MORN3: variants seen among roughly 807,000 people sequenced by gnomAD.
MORN3 encodes MORN repeat containing 3.
MORN3 carries 38 observed loss-of-function variants against 34.7 expected under a neutral mutation model. The observed-to-expected ratio is 1.10, with a 90% CI of 0.85 to 1.44. MORN3 has a LOEUF of 1.44. Ranked by LOEUF, MORN3 falls within the 40% of genes most tolerant of loss-of-function variation. The pLI, the probability that MORN3 is intolerant of heterozygous loss-of-function variation, is 0.00. For missense variants in MORN3, 311 were observed against 321.7 expected (o/e 0.97, Z 0.25); for synonymous variants, 109 against 115.3 (o/e 0.95, Z 0.35).
upstream of MORN3, among the ~76,000 whole-genome samples, chr12:121,671,338 G>A (rs148612055): frequency 0.038 from 5,690 of 149,626 alleles, 217 homozygotes; most frequent in African/African-American, 0.094. Flanking sequence ...CCCGGGAGGC[G>A]GAGCTTGCAA....
At chr12:121,670,851 T>C (rs947142106), upstream of MORN3, among the ~76,000 whole-genome samples, 2 of 150,530 alleles carry the variant, frequency 1.3e-5, no homozygotes, top group African/African-American at 4.9e-5. Context: ...GGCTCACGCC[T>C]GTAATCCCCA....
chr12:121,660,333 C>CT (rs796851295), intron 1 of MORN3, among the ~76,000 whole-genome samples: 11 of 142,470 alleles, frequency 7.7e-5, no homozygotes, highest in East Asian at 2.1e-4. Context: ...ACTGTTTTCT[C>CT]TTTTTTTTTC....
At chr12:121,660,207 G>A (rs889865134) in intron 1 of MORN3, among the ~76,000 whole-genome samples, 4 of 147,868 alleles carry the variant, frequency 2.7e-5, no homozygotes, top group South Asian at 2.1e-4. Context: ...GCAGTGAGCC[G>A]AGATGACGTC....
chr12:121,652,949 C>T, intron 4 of MORN3, 126 bp downstream of exon 4: 1 of 1,442,788 alleles, frequency 6.9e-7, no homozygotes, highest in Non-Finnish European at 9.5e-7. Flanking sequence ...TGACTGAAAA[C>T]AAAACCTTGT....
intron 2 of MORN3, among the ~76,000 whole-genome samples, chr12:121,656,077 G>A (rs1555325664): frequency 6.6e-6 from 1 of 152,042 alleles, no homozygotes; most frequent in African/African-American, 2.4e-5. Flanking sequence ...GGGAAACAAG[G>A]TCTGTTTGCA....
chr12:121,661,352 G>A (rs1053596209), intron 1 of MORN3, among the ~76,000 whole-genome samples: 4 of 152,130 alleles, frequency 2.6e-5, no homozygotes, highest in Non-Finnish European at 5.9e-5. Context: ...GCCTCTCGAC[G>A]AGCTGGGAAT....
At position 121,659,214 on chromosome 12, in the gene MORN3, A is replaced by C. The variant is rs1300178646; in HGVS notation, c.280T>G (p.Trp94Gly). 7.4e-6 allele frequency: 12 copies of C among 1,612,972 alleles called. No homozygotes were observed. Among genetic ancestry groups the C allele is most frequent in the Non-Finnish European group, 1.0e-5 (12 of 1,179,764 alleles). ...ACCGATTTCTTATCACCTTTCCACC[A>C]GCCTGAGTAGACTCTCCTGCACTTT... ...TGKCRRVYSG[W>G]WKGDKKSGYG... The change falls in exon 2 of 6, where the codon TGG (tryptophan) becomes GGG (glycine). Residue 94 changes from tryptophan to glycine, a missense_variant. Transcript: ENST00000355329.
rs1893214600 is a variant in MORN3, at chr12:121,649,983, C to A, written c.*1668G>T. ...CTGTTGTGACATCAAAAATGTCATA[C>A]ATTGCCAAATGTCCCCAAGAAAGAG... On this transcript the variant is annotated 3_prime_UTR_variant, in exon 6 of 6. Coordinates refer to ENST00000355329, the MANE Select transcript of MORN3 (RefSeq NM_173855.5). The A allele has an allele frequency of 1.3e-5, 2 of 150,896 alleles. No individual in the cohort carries two copies. Among genetic ancestry groups the A allele is most frequent in the African/African-American group, 4.9e-5 (2 of 40,924 alleles). The allele number at this position is 150,896 out of a possible 1,614,324, so 9.3% of individuals were successfully genotyped here.
upstream of MORN3, among the ~76,000 whole-genome samples, chr12:121,671,032 A>G (rs1172222009): frequency 1.4e-5 from 2 of 138,914 alleles, no homozygotes; most frequent in African/African-American, 5.4e-5. Flanking sequence ...AATCGCTTGA[A>G]CCAGGGAGGA....
intron 1 of MORN3, among the ~76,000 whole-genome samples, chr12:121,660,190 C>G (rs550890500): frequency 7.1e-6 from 1 of 141,514 alleles, no homozygotes; most frequent in Non-Finnish European, 1.5e-5. Flanking sequence ...GCCGAGATGA[C>G]GTCGTTGCAG....
chr12:121,659,108 C>T (rs1330464385), intron 2 of MORN3, 83 bp downstream of exon 2: 3 of 1,534,320 alleles, frequency 2.0e-6, no homozygotes, highest in South Asian at 2.4e-5. Flanking sequence ...TCCCAGGCCT[C>T]TCTCGGCTTC....
rs180768193 is a variant in MORN3, at chr12:121,653,243, G to C, written c.480C>G (p.Tyr160Ter). The C allele has an allele frequency of 5.0e-6, 8 of 1,613,896 alleles. No individual in the cohort carries two copies. Among genetic ancestry groups the C allele is most frequent in the African/African-American group, 4.0e-5 (3 of 74,924 alleles). ...GMLRLKNGNR[Y>*]EGCWERGMKN... Reference sequence around the variant, plus strand: ...TCATGCCTCTCTCCCAGCAGCCCTCGTAGCGGTTCCCGTTCTCTGGGGGAA... The same window carrying C: ...TCATGCCTCTCTCCCAGCAGCCCTCCTAGCGGTTCCCGTTCTCTGGGGGAA... The change falls in exon 4 of 6, where the codon TAC becomes TAG. Residue 160 changes from tyrosine (Y) to a stop codon, truncating the protein, a stop_gained. Transcript: ENST00000355329. LOFTEE classifies it high-confidence loss of function.
At chr12:121,665,082 G>A (rs1269348624) in intron 1 of MORN3, among the ~76,000 whole-genome samples, 1 of 151,568 alleles carries the variant, frequency 6.6e-6, no homozygotes, top group African/African-American at 2.4e-5. Context: ...GCTCATTTCT[G>A]TGACCAAGGT....
chr12:121,661,487 A>G (rs952575381), intron 1 of MORN3, among the ~76,000 whole-genome samples: 1 of 152,172 alleles, frequency 6.6e-6, no homozygotes, highest in Non-Finnish European at 1.5e-5. Context: ...CAAATTCAAC[A>G]TTATCCCTCT....
At position 121,650,560 on chromosome 12, in the gene MORN3, C is replaced by G. The variant is rs914002805; in HGVS notation, c.*1091G>C. The G allele has an allele frequency of 6.9e-6, 1 of 144,470 alleles. No individual in the cohort carries two copies. Among genetic ancestry groups the G allele is most frequent in the South Asian group, 2.2e-4 (1 of 4,544 alleles). The allele number at this position is 144,470 out of a possible 1,614,324, so 8.9% of individuals were successfully genotyped here. A position where few individuals can be genotyped will look rare whatever the true frequency, so the allele number is the denominator to read the frequency against. ...AAAAAAAAAAAAAAAAGGCCAGGCT[C>G]GATGGCTCACACCTGTAATCCCAGC... On this transcript the variant is annotated 3_prime_UTR_variant, in exon 6 of 6. Coordinates refer to ENST00000355329, the MANE Select transcript of MORN3 (RefSeq NM_173855.5).
upstream of MORN3, among the ~76,000 whole-genome samples, chr12:121,672,015 G>T (rs1893982367): frequency 6.6e-6 from 1 of 152,180 alleles, no homozygotes; most frequent in East Asian, 1.9e-4. Flanking sequence ...GTCATTGGGT[G>T]TTACTTCACA....
intron 1 of MORN3, among the ~76,000 whole-genome samples, chr12:121,668,280 C>T (rs937579938): frequency 3.3e-5 from 5 of 152,024 alleles, no homozygotes; most frequent in South Asian, 2.1e-4. Flanking sequence ...AGTGGCTAAA[C>T]GCCTGTAATC....
rs1450154765 is a variant in MORN3, at chr12:121,649,689, T to C, written c.*1962A>G. The stretch of plus-strand genomic sequence containing the variant: ...GAGGTCTTAGCTAGAATCGTGGTAT[T>C]TCAGGGTTTCTCAACATTTTTTTTT... On this transcript the variant is annotated 3_prime_UTR_variant, in exon 6 of 6. Coordinates refer to ENST00000355329, the MANE Select transcript of MORN3 (RefSeq NM_173855.5). 7 of 151,614 alleles carry C rather than the reference T, an allele frequency of 4.6e-5. No individual in the cohort carries two copies. The highest frequency in any genetic ancestry group is 1.7e-4 in the African/African-American group (7 of 41,192). The allele number at this position is 151,614 out of a possible 1,614,324, so 9.4% of individuals were successfully genotyped here.
intron 1 of MORN3, 115 bp from the exon 2 acceptor site, chr12:121,659,463 C>T: frequency 1.0e-6 from 1 of 982,658 alleles, no homozygotes; most frequent in Non-Finnish European, 1.5e-6. Flanking sequence ...CTGGGACAGG[C>T]TCTGCGCATC....
Sources: allele counts gnomAD v4.1 joint callset (sites outside exome capture counted in the v4.1 genomes callset), GRCh38; gene constraint gnomAD v4.1.1; transcripts MANE v1.5; gene names NCBI Gene and HGNC (gene_info 2026-07-23, HGNC 2026-07-21).